Variants in ZNF654 observed in about 807,000 individuals in gnomAD.
ZNF654 encodes zinc finger protein 654.
Under a neutral mutation model 95.3 loss-of-function variants are expected in ZNF654, and 19 were observed. The observed-to-expected ratio is 0.20, with a 90% CI of 0.14 to 0.29. ZNF654 has a LOEUF of 0.29. Ranked by LOEUF, ZNF654 falls within the 10% of genes least tolerant of loss-of-function variation. The pLI, the probability that ZNF654 is intolerant of heterozygous loss-of-function variation, is 1.00. For missense variants in ZNF654, 1,046 were observed against 1,341.0 expected, an observed-to-expected ratio of 0.78 and a Z score of 3.44; for synonymous variants, 413 against 457.9, an observed-to-expected ratio of 0.90 and a Z score of 1.25.
rs773482764 is a variant in ZNF654, at chr3:88,142,469, T to C, written c.*817T>C. The C allele has an allele frequency of 1.3e-5, 2 of 152,330 alleles. No individual in the cohort carries two copies. Among genetic ancestry groups the C allele is most frequent in the Non-Finnish European group, 2.9e-5 (2 of 67,824 alleles). The allele number at this position is 152,330 out of a possible 1,614,324, so 9.4% of individuals were successfully genotyped here. The stretch of plus-strand genomic sequence containing the variant: ...ATCTAAGACTTTACAGGCTTTGTAG[T>C]TGAAGGAAAACACTGAATTGCAAAT... On this transcript the variant is annotated 3_prime_UTR_variant, in exon 9 of 9. Transcript: ENST00000636215.
intron 1 of ZNF654, among the ~76,000 whole-genome samples, chr3:88,076,124 TAA>T (rs1181085898): frequency 6.6e-6 from 1 of 152,260 alleles, no homozygotes; most frequent in Non-Finnish European, 1.5e-5. Flanking sequence ...CCCTGCTTTT[TAA>T]TTTATCAAAT....
chr3:88,060,332 G>A (rs1439117051), intron 1 of ZNF654, among the ~76,000 whole-genome samples: 2 of 152,214 alleles, frequency 1.3e-5, no homozygotes, highest in East Asian at 3.9e-4. Flanking sequence ...GTTTGATGTT[G>A]TTCAAAGTGT....
chr3:88,074,461 C>T (rs1707689525), intron 1 of ZNF654, among the ~76,000 whole-genome samples: 1 of 151,666 alleles, frequency 6.6e-6, no homozygotes, highest in South Asian at 2.1e-4. Context: ...CCTGCCTCAG[C>T]CTCCCAAGTA....
At chr3:88,087,270 G>T (rs1708385655) in intron 2 of ZNF654, among the ~76,000 whole-genome samples, 2 of 151,484 alleles carry the variant, frequency 1.3e-5, no homozygotes, top group African/African-American at 4.9e-5. Flanking sequence ...TAGAGACAGG[G>T]TTTCACCGTG....
chr3:88,098,689 A>G (rs1283084182), intron 2 of ZNF654, among the ~76,000 whole-genome samples: 2 of 152,218 alleles, frequency 1.3e-5, no homozygotes, highest in Non-Finnish European at 2.9e-5. Context: ...ACGAAAATCA[A>G]TAAACGTAAT....
intron 2 of ZNF654, among the ~76,000 whole-genome samples, chr3:88,089,946 T>C (rs947516811): frequency 6.6e-6 from 1 of 152,184 alleles, no homozygotes; most frequent in Admixed American, 6.5e-5. Context: ...CCTAGTGAAG[T>C]CATAGCTGCC....
Position 88,139,158 on chromosome 3 carries a change from G to A in ZNF654, c.1489G>A (p.Glu497Lys), listed in dbSNP as rs375606033. The A allele has an allele frequency of 8.3e-6, 11 of 1,330,236 alleles. No homozygotes were observed. Among genetic ancestry groups the A allele is most frequent in the Non-Finnish European group, 8.7e-6 (9 of 1,038,928 alleles). The allele number at this position is 1,330,236 out of a possible 1,614,324, so 82.4% of individuals were successfully genotyped here. A position where few individuals can be genotyped will look rare whatever the true frequency, so the allele number is the denominator to read the frequency against. Residue 497 changes from glutamate (E) to lysine (K), a missense_variant, in exon 8 of 9, where the codon GAA becomes AAA. By Grantham distance (56) the Glu-to-Lys change is moderately conservative. Coordinates refer to ENST00000636215, the MANE Select transcript of ZNF654 (RefSeq NM_001350134.2). The stretch of plus-strand genomic sequence containing the variant: ...GACGGAGGAACAGCAAGGTTTGGAT[G>A]AAGGGTTTGACTCTCTTACAGATCA... ...KRTEEQQGLDEGFDSLTDQST... is the reference protein window; with the variant it reads ...KRTEEQQGLDKGFDSLTDQST...
chr3:88,095,580 C>T, intron 2 of ZNF654: 1 of 520,666 alleles, frequency 1.9e-6, no homozygotes, highest in South Asian at 1.4e-5. Flanking sequence ...ACATAAATTG[C>T]CACAGGAATC....
At chr3:88,090,918 G>A (rs1220132160) in intron 2 of ZNF654, among the ~76,000 whole-genome samples, 3 of 152,222 alleles carry the variant, frequency 2.0e-5, no homozygotes, top group Admixed American at 1.3e-4. Context: ...ACGAATTTGT[G>A]TTGGGCCTCA....
intron 2 of ZNF654, among the ~76,000 whole-genome samples, chr3:88,102,690 A>G (rs1704496277): frequency 6.6e-6 from 1 of 152,188 alleles, no homozygotes; most frequent in Non-Finnish European, 1.5e-5. Context: ...CATGATACCA[A>G]CAACAAAACC....
rs761934977 is a variant in ZNF654, at chr3:88,139,295, C to G, written c.1626C>G (p.Val542=). 1 of 1,577,248 alleles carries G rather than the reference C, an allele frequency of 6.3e-7. No individual in the cohort carries two copies. Residue 542 remains valine (V), a synonymous_variant, in exon 8 of 9, where the codon GTC becomes GTG. Transcript: ENST00000636215. Reference sequence around the variant, plus strand: ...GTACTTCCAAAGTAGATCACAATGTCCCAAGGCATCGTTGTATGTTATGTA... The same window carrying G: ...GTACTTCCAAAGTAGATCACAATGTGCCAAGGCATCGTTGTATGTTATGTA... ...ALSTSKVDHN[V]PRHRCMLCNK...
At chr3:88,109,787 CTG>C (rs1467984428) in intron 2 of ZNF654, among the ~76,000 whole-genome samples, 1 of 151,978 alleles carries the variant, frequency 6.6e-6, no homozygotes, top group Non-Finnish European at 1.5e-5. Context: ...AATGTATAAA[CTG>C]AACATATTAA....
intron 2 of ZNF654, among the ~76,000 whole-genome samples, chr3:88,101,441 G>C (rs1704419973): frequency 6.6e-6 from 1 of 152,128 alleles, no homozygotes; most frequent in Non-Finnish European, 1.5e-5. Context: ...TTGCGAAATA[G>C]TCATGTAAAA....
intron 2 of ZNF654, among the ~76,000 whole-genome samples, chr3:88,088,760 GT>G (rs1559701684): frequency 0.031 from 4,697 of 149,454 alleles, 82 homozygotes; most frequent in Non-Finnish European, 0.039. Flanking sequence ...ATGTATGTAT[GT>G]ATGGATGGAT....
intron 2 of ZNF654, among the ~76,000 whole-genome samples, chr3:88,099,999 C>T (rs1263868362): frequency 6.6e-6 from 1 of 152,184 alleles, no homozygotes; most frequent in African/African-American, 2.4e-5. Flanking sequence ...TAAAGAGCTT[C>T]TGCACAGCAA....
intron 3 of ZNF654, among the ~76,000 whole-genome samples, chr3:88,119,648 T>C (rs957927263): frequency 6.6e-5 from 10 of 152,152 alleles, no homozygotes; most frequent in African/African-American, 2.2e-4. Context: ...GTGTTCTTTC[T>C]GCTAAATCAA....
chr3:88,094,104 C>CTT (rs11449650), intron 2 of ZNF654, among the ~76,000 whole-genome samples: 2,845 of 147,812 alleles, frequency 0.019, 39 homozygotes, highest in Non-Finnish European at 0.026. Context: ...AGATAATATT[C>CTT]TTTTTTTTTT....
intron 1 of ZNF654, among the ~76,000 whole-genome samples, chr3:88,065,631 G>GT (rs1322927221): frequency 3.3e-5 from 5 of 151,194 alleles, no homozygotes; most frequent in Admixed American, 6.6e-5. Context: ...TTTTTTTTTA[G>GT]TTTTTTAAAA....
At chr3:88,105,501 T>A (rs917569674) in intron 2 of ZNF654, among the ~76,000 whole-genome samples, 3 of 152,214 alleles carry the variant, frequency 2.0e-5, no homozygotes, top group Admixed American at 6.5e-5. Flanking sequence ...TCCTTTTGGA[T>A]ACCTCTTTTT....
Sources: gnomAD v4.1 joint callset for allele counts (sites outside exome capture counted in the v4.1 genomes callset) on GRCh38, gnomAD v4.1.1 for gene constraint, MANE v1.5 for transcripts, NCBI Gene and HGNC (gene_info 2026-07-23, HGNC 2026-07-21) for gene names.